Variants in DPP3 observed in about 807,000 individuals in gnomAD.
The protein encoded by DPP3 is DPP III.
In DPP3, 64 loss-of-function variants were observed where a neutral mutation model predicts 89.8. The observed-to-expected ratio is 0.71, with a 90% CI of 0.58 to 0.88. DPP3 has a LOEUF of 0.88. DPP3 is among the 40% of genes least tolerant of loss of function. The pLI, the probability that DPP3 is intolerant of heterozygous loss-of-function variation, is 0.00. For missense variants in DPP3, 835 were observed against 972.5 expected (o/e 0.86, Z 1.88); for synonymous variants, 377 against 404.3 (o/e 0.93, Z 0.81).
chr11:66,507,595 C>T (rs192372035), intron 17 of DPP3, among the ~76,000 whole-genome samples: 40 of 151,998 alleles, frequency 2.6e-4, no homozygotes, highest in East Asian at 5.8e-4. Context: ...CAAGAGTATC[C>T]GGGAACGTTC....
intron 16 of DPP3, among the ~76,000 whole-genome samples, chr11:66,498,953 C>T (rs1167901632): frequency 1.3e-5 from 2 of 152,182 alleles, no homozygotes; most frequent in Admixed American, 1.3e-4. Flanking sequence ...GTAGAGGCTG[C>T]AGTGAGCCCT....
chr11:66,505,250 T>TTGGCCA (rs1855771615), intron 17 of DPP3, among the ~76,000 whole-genome samples: 1 of 152,180 alleles, frequency 6.6e-6, no homozygotes, highest in Non-Finnish European at 1.5e-5. Flanking sequence ...TTCCAGAGCC[T>TTGGCCA]TGGCCACACG....
intron 6 of DPP3, among the ~76,000 whole-genome samples, chr11:66,490,145 T>TAAAAAAAAA: frequency 1.1e-5 from 1 of 94,826 alleles, no homozygotes; most frequent in African/African-American, 3.3e-5. Flanking sequence ...AGATCCTATC[T>TAAAAAAAAA]AAAAAAAAAA....
Position 66,509,553 on chromosome 11 carries a change from G to A in DPP3, c.*302G>A, listed in dbSNP as rs1405708572. 9 of 838,256 alleles carry A rather than the reference G, an allele frequency of 1.1e-5. No individual in the cohort carries two copies. The highest frequency in any genetic ancestry group is 1.6e-5 in the Non-Finnish European group (8 of 511,438). The allele number at this position is 838,256 out of a possible 1,614,324, so 51.9% of individuals were successfully genotyped here. A position where few individuals can be genotyped will look rare whatever the true frequency, so the allele number is the denominator to read the frequency against. ...CTGAGAAGTCACTGGTCTAGATCCCGCAGGTGGCACGTGACAGCTAGGGTT... is the reference window on the plus strand; with the variant it reads ...CTGAGAAGTCACTGGTCTAGATCCCACAGGTGGCACGTGACAGCTAGGGTT... On this transcript the variant is annotated 3_prime_UTR_variant, in exon 18 of 18. Transcript: ENST00000531863.
At chr11:66,490,894 C>T (rs370472264) in intron 6 of DPP3, among the ~76,000 whole-genome samples, 19 of 151,606 alleles carry the variant, frequency 1.3e-4, no homozygotes, top group African/African-American at 2.9e-4. Flanking sequence ...CTCAGCCTCC[C>T]GAGTAGCTGG....
intron 17 of DPP3, among the ~76,000 whole-genome samples, chr11:66,506,153 T>C (rs1331870254): frequency 6.6e-6 from 1 of 152,172 alleles, no homozygotes; most frequent in Admixed American, 6.5e-5. Flanking sequence ...GGTTTTACTA[T>C]GTTGGCTAGG....
At chr11:66,483,029 TTTTA>T (rs1348137552) in intron 2 of DPP3, 13 of 151,158 alleles carry the variant, frequency 8.6e-5, no homozygotes, top group Non-Finnish European at 1.2e-4. Flanking sequence ...CTTTTTTATT[TTTTA>T]TTTTTTTTTT....
In DPP3 at chr11:66,491,236, A is replaced by G; in HGVS notation, c.668-17A>G. The G allele has an allele frequency of 1.2e-6, 2 of 1,612,230 alleles. No individual in the cohort carries two copies. Among genetic ancestry groups the G allele is most frequent in the African/African-American group, 1.3e-5 (1 of 74,922 alleles). ...TTACTCCAGCCTTTTCTCTTGAATG[A>G]CACCTTCTTTCCCCAGAGCCTTCCC... On this transcript the variant is annotated splice_polypyrimidine_tract_variant and intron_variant, in intron 6 of 17. Transcript: ENST00000531863.
chr11:66,486,423 C>T, intron 3 of DPP3, 117 bp from the exon 4 acceptor site: 1 of 1,294,212 alleles, frequency 7.7e-7, no homozygotes, highest in Admixed American at 3.0e-5. Flanking sequence ...GGTCCATGGA[C>T]CACACAATGA....
At chr11:66,487,794 C>T in intron 5 of DPP3, 120 bp from the exon 6 acceptor site, 1 of 869,792 alleles carries the variant, frequency 1.1e-6, no homozygotes, top group East Asian at 2.6e-5. Context: ...CCAGCCAACC[C>T]AGAAGGCCCA....
At position 66,495,507 on chromosome 11, in the gene DPP3, G is replaced by T. The variant is rs201637524; in HGVS notation, c.1577+18G>T. 6.2e-7 allele frequency: 1 copy of T among 1,609,994 alleles called. No homozygotes were observed. Among genetic ancestry groups the T allele is most frequent in the Non-Finnish European group, 8.5e-7 (1 of 1,177,542 alleles). ...GTGCTGGAGTAAGAGCAGCAGGGCC[G>T]AGGGGCGGGCTGTCCCGCTGCAGTG... On this transcript the variant is annotated intron_variant, in intron 14 of 17. Transcript: ENST00000531863.
intron 6 of DPP3, among the ~76,000 whole-genome samples, chr11:66,490,650 T>C (rs1855354297): frequency 6.6e-6 from 1 of 152,204 alleles, no homozygotes; most frequent in African/African-American, 2.4e-5. Context: ...GAAATGATAA[T>C]GTCCGCCTCC....
chr11:66,487,899 C>G lies in DPP3; in HGVS notation c.574-15C>G. On this transcript the variant is annotated splice_polypyrimidine_tract_variant and intron_variant, in intron 5 of 17. Transcript: ENST00000531863. The stretch of plus-strand genomic sequence containing the variant: ...TCCAGACTTCACTCTTAACCCCTGT[C>G]CTGGTCTCTTCTAGAACCTCAGTGC... The G allele has an allele frequency of 6.2e-7, 1 of 1,613,124 alleles. No homozygotes were observed. The highest frequency in any genetic ancestry group is 8.5e-7 in the Non-Finnish European group (1 of 1,179,296).
chr11:66,491,741 C>T lies in DPP3; in HGVS notation c.973C>T (p.Arg325Ter), dbSNP rs375500772. Residue 325 changes from arginine (R) to a stop codon, truncating the protein, a stop_gained, in exon 9 of 18, where the codon CGA becomes TGA. Transcript: ENST00000531863. LOFTEE classifies it high-confidence loss of function. ...IESYRDPFGSRGEFEGFVAVV... is the reference protein window; with the variant it reads ...IESYRDPFGS ...GAGCTACCGCGACCCCTTTGGTTCCCGAGGAGAATTTGAAGGTAACTTCCT... is the reference window on the plus strand; with the variant it reads ...GAGCTACCGCGACCCCTTTGGTTCCTGAGGAGAATTTGAAGGTAACTTCCT... 45 of 1,613,640 alleles carry T rather than the reference C, an allele frequency of 2.8e-5. No homozygotes were observed. Among genetic ancestry groups the T allele is most frequent in the Admixed American group, 8.3e-5 (5 of 59,956 alleles).
At chr11:66,488,063 G>A in intron 6 of DPP3, 56 bp downstream of exon 6, 2 of 1,530,874 alleles carry the variant, frequency 1.3e-6, no homozygotes, top group Non-Finnish European at 1.8e-6. Flanking sequence ...CCGGACCTGG[G>A]TGGCTCAGGT....
chr11:66,505,946 T>A (rs1590749067), intron 17 of DPP3, among the ~76,000 whole-genome samples: 1 of 152,242 alleles, frequency 6.6e-6, no homozygotes, highest in South Asian at 2.1e-4. Context: ...GTTTTGTTTT[T>A]GTTTTTGTTT....
rs201526861 is a variant in DPP3 at position 66,490,145 on chromosome 11, TAAA to T, written c.668-1082_668-1080del. Among the ~76,000 whole-genome samples, 513 of 94,576 alleles carry T rather than the reference TAAA, an allele frequency of 5.4e-3. 2 individuals carry two copies. Among genetic ancestry groups the T allele is most frequent in the African/African-American group, 0.016 (485 of 29,694 alleles). The allele number at this position is 94,576 out of a possible 152,430, so 62.0% of individuals were successfully genotyped here. A position where few individuals can be genotyped will look rare whatever the true frequency, so the allele number is the denominator to read the frequency against. On this transcript the variant is annotated intron_variant, in intron 6 of 17. Transcript: ENST00000531863. ...CTGGGCAACCTTACAAGATCCTATCTAAAAAAAAAAAAAAAAAAAAAAAAAAAA... is the reference window on the plus strand; with the variant it reads ...CTGGGCAACCTTACAAGATCCTATCTAAAAAAAAAAAAAAAAAAAAAAAAA...
At chr11:66,503,014 G>A (rs975530267) in intron 16 of DPP3, among the ~76,000 whole-genome samples, 2 of 151,944 alleles carry the variant, frequency 1.3e-5, no homozygotes, top group Non-Finnish European at 2.9e-5. Flanking sequence ...TGTCACCCAC[G>A]CTGGAGTGCA....
chr11:66,502,011 C>T (rs1164491427), intron 16 of DPP3, among the ~76,000 whole-genome samples: 1 of 151,762 alleles, frequency 6.6e-6, no homozygotes, highest in Non-Finnish European at 1.5e-5. Context: ...TCCTGGCCAA[C>T]ATGGCGGCCC....
Sources: allele counts gnomAD v4.1 joint callset (sites outside exome capture counted in the v4.1 genomes callset), GRCh38; gene constraint gnomAD v4.1.1; transcripts MANE v1.5; gene names NCBI Gene and HGNC (gene_info 2026-07-23, HGNC 2026-07-21).